The following H2BC18 variants were observed in gnomAD, a reference collection of about 807,000 sequenced individuals.
The protein encoded by H2BC18 is histone H2B type 2-F.
In H2BC18, 8 loss-of-function variants were observed where a neutral mutation model predicts 6.3. The observed-to-expected ratio is 1.28, with a 90% confidence interval of 0.75 to 2.31. The LOEUF is 2.31. Among genes scored for constraint, H2BC18 ranks in the 30% most tolerant of loss-of-function variants. H2BC18 has a pLI of 0.00. For missense variants in H2BC18, 106 were observed against 174.5 expected (o/e 0.61, Z 2.21); for synonymous variants, 104 against 78.1 (o/e 1.33, Z -1.75).
chr1:149,791,048 C>T (rs1251350307), intron 1 of H2BC18, among the ~76,000 whole-genome samples: 1 of 150,566 alleles, frequency 6.6e-6, no homozygotes, highest in Non-Finnish European at 1.5e-5. Flanking sequence ...TCCAAGGAGC[C>T]TGTCCCTGTC....
rs1425491965 is a variant in H2BC18 at position 149,785,409 on chromosome 1, T to C, written c.378-2149A>G. Among the ~76,000 whole-genome samples the C allele has an allele frequency of 2.6e-3, 189 of 73,002 alleles. 19 individuals are homozygous for C. Among genetic ancestry groups the C allele is most frequent in the African/African-American group, 7.4e-3 (178 of 24,046 alleles). The allele number at this position is 73,002 out of a possible 152,430, so 47.9% of individuals were successfully genotyped here. ...TAGGGAAGCTGACAGAGCTGTTTCG[T>C]TTTTTTTTTTTTTTTTTTTTTTTTT... On this transcript the variant is annotated intron_variant, in intron 1 of 1. Transcript: ENST00000545683.
chr1:149,784,753 G>A (rs1424548299), intron 1 of H2BC18, among the ~76,000 whole-genome samples: 1 of 149,632 alleles, frequency 6.7e-6, no homozygotes, highest in African/African-American at 2.4e-5. Flanking sequence ...GCTGTGGGTG[G>A]TAGAACACTT....
rs587671465 is a variant in H2BC18 at position 149,791,572 on chromosome 1, C to T, written c.378-8312G>A. The T allele has an allele frequency of 4.7e-5, 76 of 1,604,876 alleles. No individual in the cohort carries two copies. In the South Asian group the frequency reaches 5.4e-4, roughly 11 times the overall value. The stretch of plus-strand genomic sequence containing the variant: ...GACCGTCCCCTGCCCACTTGCTCCC[C>T]GTGAGCACTGCGTACAAACATCCAA... On this transcript the variant is annotated intron_variant, in intron 1 of 1. Coordinates refer to the H2BC18 transcript ENST00000545683.
At chr1:149,806,318 C>A (rs1164452815) in intron 1 of H2BC18, among the ~76,000 whole-genome samples, 1 of 152,116 alleles carries the variant, frequency 6.6e-6, no homozygotes, top group Non-Finnish European at 1.5e-5. Flanking sequence ...AGAGGCCGGG[C>A]GCACTGGCTC....
Position 149,790,491 on chromosome 1 carries a change from C to T in H2BC18, c.378-7231G>A, listed in dbSNP as rs2091679268. 8.6e-6 allele frequency: 11 copies of T among 1,279,682 alleles called. 1 individual carries two copies. In the South Asian group the frequency reaches 1.5e-4, roughly 18 times the overall value. 79.3% of individuals were successfully genotyped at this position (1,279,682 alleles called of 1,614,324 possible). ...AGCAGGCCTTTCCATCCTTGATTCA[C>T]AACATCACTCTTCTCCTCGCAAACT... On this transcript the variant is annotated intron_variant, in intron 1 of 1. Transcript: ENST00000545683.
intron 1 of H2BC18, among the ~76,000 whole-genome samples, chr1:149,790,590 T>C (rs1196149915): frequency 6.6e-6 from 1 of 150,880 alleles, no homozygotes; most frequent in Non-Finnish European, 1.5e-5. Context: ...CATTTTCTCC[T>C]CTGTCCTTCT....
intron 1 of H2BC18, chr1:149,790,316 T>C (rs1553751616): frequency 1.9e-6 from 3 of 1,588,802 alleles, no homozygotes; most frequent in Non-Finnish European, 1.7e-6. Context: ...AGCGCAGCCC[T>C]GAGTTGGAGC....
At chr1:149,794,268 AG>A (rs1378523493) in intron 1 of H2BC18, among the ~76,000 whole-genome samples, 19 of 151,064 alleles carry the variant, frequency 1.3e-4, no homozygotes, top group East Asian at 5.8e-4. Flanking sequence ...GAGAAAGAGA[AG>A]GGGGGGGAAC....
intron 1 of H2BC18, chr1:149,786,640 T>C (rs2091558182): frequency 6.6e-6 from 1 of 151,908 alleles, no homozygotes; most frequent in Non-Finnish European, 1.5e-5. Context: ...ACCAAAGTCA[T>C]GAAGGTAGGG....
At chr1:149,811,016 G>C (rs1228296662), downstream of H2BC18, 1 of 152,206 alleles carries the variant, frequency 6.6e-6, no homozygotes, top group African/African-American at 2.4e-5. Flanking sequence ...AGAAGGACCT[G>C]TAAACAGCCT....
At chr1:149,785,235 C>T (rs1181361650) in intron 1 of H2BC18, among the ~76,000 whole-genome samples, 1 of 152,070 alleles carries the variant, frequency 6.6e-6, no homozygotes, top group Non-Finnish European at 1.5e-5. Context: ...TCAATCCACA[C>T]TGGAGGCAAA....
intron 1 of H2BC18, among the ~76,000 whole-genome samples, chr1:149,785,408 G>GTTTT (rs10670379): frequency 1.3e-4 from 9 of 67,636 alleles, no homozygotes; most frequent in Non-Finnish European, 2.0e-4. Flanking sequence ...GAGCTGTTTC[G>GTTTT]TTTTTTTTTT....
At chr1:149,802,340 A>G (rs1553753459) in intron 1 of H2BC18, among the ~76,000 whole-genome samples, 20 of 152,110 alleles carry the variant, frequency 1.3e-4, no homozygotes. Flanking sequence ...TCCTATGGCT[A>G]ATATATATAC....
rs587673098 is a variant in H2BC18 at position 149,791,509 on chromosome 1, G to T, written c.378-8249C>A. ...GGTGCACCGGAAGGAGCCCCAGGGG[G>T]CCACGTAGCAGCGGCTCAGTGGGTG... On this transcript the variant is annotated intron_variant, in intron 1 of 1. Transcript: ENST00000545683. 1.9e-6 allele frequency: 3 copies of T among 1,610,060 alleles called. No homozygotes were observed. In the African/African-American group the frequency reaches 4.0e-5, roughly 22 times the overall value.
intron 1 of H2BC18, among the ~76,000 whole-genome samples, chr1:149,802,253 C>T (rs1475802280): frequency 6.6e-6 from 1 of 152,068 alleles, no homozygotes; most frequent in Non-Finnish European, 1.5e-5. Context: ...TAAGTAAAAT[C>T]ATCAAATTTT....
chr1:149,787,173 T>A (rs1305734671), intron 1 of H2BC18: 1 of 152,200 alleles, frequency 6.6e-6, no homozygotes, highest in African/African-American at 2.4e-5. Context: ...GGGAAGAGAA[T>A]TAATTCTATT....
At chr1:149,810,793 A>C (rs1255938174), downstream of H2BC18, 6 of 152,182 alleles carry the variant, frequency 3.9e-5, no homozygotes, top group Admixed American at 6.5e-5. Context: ...AGGTCGATTA[A>C]CATGAGGACC....
At chr1:149,806,649 A>T (rs2091920295) in intron 1 of H2BC18, among the ~76,000 whole-genome samples, 1 of 152,116 alleles carries the variant, frequency 6.6e-6, no homozygotes, top group Non-Finnish European at 1.5e-5. Flanking sequence ...AAAGAAAAGG[A>T]GGGGAGCTTG....
chr1:149,787,224 C>T (rs1376684038), intron 1 of H2BC18: 6 of 152,184 alleles, frequency 3.9e-5, no homozygotes, highest in African/African-American at 1.4e-4. Context: ...AAAATTCATG[C>T]TATGTATAGC....
Sources: gnomAD v4.1 joint callset for allele counts (sites outside exome capture counted in the v4.1 genomes callset) on GRCh38, gnomAD v4.1.1 for gene constraint, MANE v1.5 for transcripts, NCBI Gene and HGNC (gene_info 2026-07-23, HGNC 2026-07-21) for gene names.